Variants in SGCZ observed in about 807,000 individuals in gnomAD.
SGCZ encodes the protein sarcoglycan zeta, also known as zeta-sarcoglycan.
Under a neutral mutation model 41.3 loss-of-function variants are expected in SGCZ, and 40 were observed. The observed-to-expected ratio is 0.97, with a 90% CI of 0.75 to 1.26. The LOEUF (loss-of-function observed/expected upper bound fraction) is 1.26. SGCZ is among the 50% of genes most tolerant of loss of function. The pLI is 0.00. For missense variants in SGCZ, 552 were observed against 369.8 expected (o/e 1.49, Z -4.04); for synonymous variants, 206 against 137.5 (o/e 1.50, Z -3.49).
intron 4 of SGCZ, among the ~76,000 whole-genome samples, chr8:14,198,073 A>G (rs1805325069): frequency 6.6e-6 from 1 of 152,214 alleles, no homozygotes; most frequent in African/African-American, 2.4e-5. Context: ...GTCCTCACTT[A>G]ACTGTGGTTA....
chr8:14,480,319 T>C (rs1801500774), intron 2 of SGCZ, among the ~76,000 whole-genome samples: 1 of 152,158 alleles, frequency 6.6e-6, no homozygotes, highest in Non-Finnish European at 1.5e-5. Context: ...CACTGCTCCT[T>C]GAAATATTTT....
intron 4 of SGCZ, among the ~76,000 whole-genome samples, chr8:14,221,569 C>T (rs561121736): frequency 1.3e-5 from 2 of 152,196 alleles, no homozygotes; most frequent in African/African-American, 4.8e-5. Context: ...GCTTTATATA[C>T]ATGGATTGTT....
At chr8:14,957,425 T>C (rs556180682) in intron 1 of SGCZ, among the ~76,000 whole-genome samples, 2 of 152,088 alleles carry the variant, frequency 1.3e-5, no homozygotes, top group African/African-American at 4.8e-5. Context: ...GGTAAATATA[T>C]TAACCTTTCC....
intron 1 of SGCZ, among the ~76,000 whole-genome samples, chr8:14,913,599 T>C (rs939092636): frequency 6.6e-6 from 1 of 152,160 alleles, no homozygotes; most frequent in African/African-American, 2.4e-5. Context: ...GATTAGTGTT[T>C]CTGACTTTTC....
intron 3 of SGCZ, among the ~76,000 whole-genome samples, chr8:14,287,674 T>C (rs1800688000): frequency 6.6e-6 from 1 of 152,084 alleles, no homozygotes; most frequent in African/African-American, 2.4e-5. Flanking sequence ...AGGTTTTTAA[T>C]TTTTTTAAAT....
chr8:14,519,984 T>C (rs1484401524), intron 2 of SGCZ, among the ~76,000 whole-genome samples: 1 of 152,114 alleles, frequency 6.6e-6, no homozygotes, highest in African/African-American at 2.4e-5. Flanking sequence ...ATTGTAAAAA[T>C]ATTAAGTTAA....
intron 2 of SGCZ, among the ~76,000 whole-genome samples, chr8:14,370,118 G>T (rs1473168307): frequency 2.0e-5 from 3 of 151,950 alleles, no homozygotes; most frequent in Non-Finnish European, 4.4e-5. Flanking sequence ...GTAAGATGTA[G>T]GGGAGGATAT....
chr8:15,063,283 A>G (rs904434565), intron 1 of SGCZ, among the ~76,000 whole-genome samples: 3 of 152,146 alleles, frequency 2.0e-5, no homozygotes, highest in African/African-American at 4.8e-5. Flanking sequence ...CACATTTAAT[A>G]TGCATCACTG....
At chr8:14,306,914 G>A (rs1030946124) in intron 3 of SGCZ, among the ~76,000 whole-genome samples, 1 of 152,182 alleles carries the variant, frequency 6.6e-6, no homozygotes, top group African/African-American at 2.4e-5. Flanking sequence ...GACAGAAAAT[G>A]ATACTTTATA....
chr8:14,288,286 A>G (rs554121791), intron 3 of SGCZ, among the ~76,000 whole-genome samples: 3 of 152,284 alleles, frequency 2.0e-5, no homozygotes, highest in Non-Finnish European at 4.4e-5. Flanking sequence ...TACATGTAAC[A>G]TAAAATTTAC....
chr8:14,541,946 T>C (rs909101288), intron 2 of SGCZ, among the ~76,000 whole-genome samples: 1 of 152,206 alleles, frequency 6.6e-6, no homozygotes, highest in Non-Finnish European at 1.5e-5. Flanking sequence ...AAAGTGTCTG[T>C]TCATATCCTT....
intron 2 of SGCZ, among the ~76,000 whole-genome samples, chr8:14,401,234 A>C (rs527471614): frequency 6.6e-6 from 1 of 152,132 alleles, no homozygotes; most frequent in African/African-American, 2.4e-5. Context: ...GGTCATAATC[A>C]ATACTTAACT....
intron 2 of SGCZ, among the ~76,000 whole-genome samples, chr8:14,510,706 A>G (rs1307284468): frequency 1.3e-5 from 2 of 152,178 alleles, no homozygotes; most frequent in South Asian, 2.1e-4. Context: ...TTGATTGACA[A>G]GGAAAAGAAT....
intron 1 of SGCZ, among the ~76,000 whole-genome samples, chr8:14,586,322 T>C (rs925880404): frequency 6.6e-6 from 1 of 152,138 alleles, no homozygotes; most frequent in Non-Finnish European, 1.5e-5. Context: ...CAAGTGATTC[T>C]TGTGTCTCAG....
intron 1 of SGCZ, among the ~76,000 whole-genome samples, chr8:14,762,459 G>C (rs1799917883): frequency 6.6e-6 from 1 of 152,182 alleles, no homozygotes; most frequent in South Asian, 2.1e-4. Context: ...CAGGTTTGCT[G>C]TGAGGTAAAG....
At chr8:14,765,217 T>C (rs1800002948) in intron 1 of SGCZ, among the ~76,000 whole-genome samples, 1 of 152,206 alleles carries the variant, frequency 6.6e-6, no homozygotes, top group Admixed American at 6.5e-5. Flanking sequence ...TCTCCAGTTA[T>C]TTAATGGAGC....
chr8:15,099,608 G>C (rs2054062), intron 1 of SGCZ, among the ~76,000 whole-genome samples: 126,744 of 152,088 alleles, frequency 0.83, 52,904 homozygotes, highest in Non-Finnish European at 0.86. Context: ...TCATAACTAA[G>C]TCATTCTATG....
chr8:14,520,530 G>C (rs575617675), intron 2 of SGCZ, among the ~76,000 whole-genome samples: 2 of 152,176 alleles, frequency 1.3e-5, no homozygotes, highest in East Asian at 3.9e-4. Flanking sequence ...TTCTGCAAGG[G>C]AAATAATATA....
intron 1 of SGCZ, among the ~76,000 whole-genome samples, chr8:14,637,935 G>T (rs1362200187): frequency 6.6e-6 from 1 of 151,856 alleles, no homozygotes; most frequent in South Asian, 2.1e-4. Context: ...CCTACCATCA[G>T]TGTGTAAGTG....
Sources: allele counts gnomAD v4.1 joint callset (sites outside exome capture counted in the v4.1 genomes callset), GRCh38; gene constraint gnomAD v4.1.1; transcripts MANE v1.5; gene names NCBI Gene and HGNC (gene_info 2026-07-23, HGNC 2026-07-21).